The following MAG variants were observed in gnomAD, a reference collection of about 807,000 sequenced individuals.
The protein encoded by MAG is myelin-associated glycoprotein.
Under a neutral mutation model 60.7 loss-of-function variants are expected in MAG, and 30 were observed. The observed-to-expected ratio is 0.49, with a 90% CI of 0.37 to 0.67. The LOEUF is 0.67. Ranked by LOEUF, MAG falls within the 30% of genes least tolerant of loss-of-function variation. The pLI is 0.00. For synonymous variants in MAG, 384 were observed against 376.8 expected, an observed-to-expected ratio of 1.02 and a Z score of -0.22; for missense variants, 795 against 851.7, an observed-to-expected ratio of 0.93 and a Z score of 0.83.
At chr19:35,298,708 C>T (rs927573740) in intron 4 of MAG, among the ~76,000 whole-genome samples, 12 of 144,340 alleles carry the variant, frequency 8.3e-5, no homozygotes, top group Admixed American at 4.8e-4. Context: ...TACACTCACA[C>T]CACACAAACC....
intron 4 of MAG, among the ~76,000 whole-genome samples, chr19:35,296,943 AACCACAC>A: frequency 6.7e-6 from 1 of 148,446 alleles, no homozygotes. Flanking sequence ...ACACTACACA[AACCACAC>A]ACCACACACT....
chr19:35,304,697 T>C (rs1240248803), intron 7 of MAG, among the ~76,000 whole-genome samples: 1 of 152,018 alleles, frequency 6.6e-6, no homozygotes, highest in Non-Finnish European at 1.5e-5. Context: ...TGCGTCACCA[T>C]GCCCAGCTAA....
At chr19:35,302,761 C>G in intron 7 of MAG, 53 bp downstream of exon 7, 1 of 1,592,216 alleles carries the variant, frequency 6.3e-7, no homozygotes, top group Non-Finnish European at 8.5e-7. Context: ...GTGGGGGACA[C>G]CAGGGTTACT....
intron 9 of MAG, among the ~76,000 whole-genome samples, chr19:35,311,490 C>T (rs1241161597): frequency 6.6e-6 from 1 of 152,120 alleles, no homozygotes; most frequent in Non-Finnish European, 1.5e-5. Flanking sequence ...GACAGACAGA[C>T]AGACAGAAAG....
At chr19:35,300,461 AAGGGGCCTCATCC>A in intron 6 of MAG, 57 bp downstream of exon 6, 2 of 1,508,162 alleles carry the variant, frequency 1.3e-6, no homozygotes, top group Non-Finnish European at 1.8e-6. Context: ...GATAAAGGGA[AAGGGGCCTCATCC>A]AGGGCGAGCA....
rs1447611061 is a variant in MAG at position 35,310,534 on chromosome 19, T to C, written c.1520-13T>C. 3 of 1,613,822 alleles carry C rather than the reference T, an allele frequency of 1.9e-6. No individual in the cohort carries two copies. The South Asian group carries it at 3.3e-5, about 18-fold the overall frequency. ...CATAGCCCTAAGGGCGCCTGGGTCTTTTCTGTCCTCAGATCGACTGATGTG... is the reference window on the plus strand; with the variant it reads ...CATAGCCCTAAGGGCGCCTGGGTCTCTTCTGTCCTCAGATCGACTGATGTG... On this transcript the variant is annotated splice_polypyrimidine_tract_variant and intron_variant, in intron 8 of 10. Transcript: ENST00000392213.
Position 35,299,791 on chromosome 19 carries a change from A to G in MAG, c.653A>G (p.Gln218Arg), listed in dbSNP as rs1460786365. 6.5e-7 allele frequency: 1 copy of G among 1,542,302 alleles called. No individual in the cohort carries two copies. The highest frequency in any genetic ancestry group is 8.7e-7 in the Non-Finnish European group (1 of 1,148,782). ...REANGHRLGC[Q>R]ASFPNTTLQF... The stretch of plus-strand genomic sequence containing the variant: ...GCCAACGGCCACAGGCTGGGCTGCC[A>G]GGCCTCCTTCCCCAACACCACCCTG... Residue 218 changes from glutamine to arginine, a missense_variant, in exon 5 of 11, where the codon CAG (glutamine) becomes CGG (arginine). Physicochemically the swap from Gln to Arg is conservative, Grantham distance 43 (BLOSUM62 1). Transcript: ENST00000392213.
rs769035046 is a variant in MAG, at chr19:35,293,189, G to A, written c.-80+985G>A. Among the ~76,000 whole-genome samples, 16 of 152,206 alleles carry A rather than the reference G, an allele frequency of 1.1e-4. No individual in the cohort carries two copies. Among genetic ancestry groups the A allele is most frequent in the Admixed American group, 8.5e-4 (13 of 15,294 alleles). The stretch of plus-strand genomic sequence containing the variant: ...CAGCGTCGGCCAGGTGTCCATCGGC[G>A]CGTGTCTGAGTGGACGCGTCTATAG... On this transcript the variant is annotated intron_variant, in intron 1 of 10. Transcript: ENST00000392213. This position sits in a 1 kb window ranked among gnomAD's most constrained non-coding sequence, Gnocchi z 4.0.
intron 4 of MAG, among the ~76,000 whole-genome samples, chr19:35,298,614 C>T (rs2066421141): frequency 6.6e-6 from 1 of 151,698 alleles, no homozygotes; most frequent in Admixed American, 6.6e-5. Context: ...GCACTACCCA[C>T]ACACCACACA....
In MAG at chr19:35,313,574, G is replaced by A. The variant is rs966855357; in HGVS notation, c.*120G>A. On this transcript the variant is annotated 3_prime_UTR_variant, in exon 11 of 11. Transcript: ENST00000392213. ...CTGGGGCAGGAGGGGAGTGAGGCAGGTGACAGTGAGGTCCTGGGGGCCTGA... is the reference window on the plus strand; with the variant it reads ...CTGGGGCAGGAGGGGAGTGAGGCAGATGACAGTGAGGTCCTGGGGGCCTGA... 5.7e-6 allele frequency: 6 copies of A among 1,049,390 alleles called. No homozygotes were observed. The African/African-American group carries it at 6.5e-5, about 11-fold the overall frequency. The allele number at this position is 1,049,390 out of a possible 1,614,324, so 65.0% of individuals were successfully genotyped here.
intron 6 of MAG, 151 bp downstream of exon 6, chr19:35,300,555 G>A: frequency 4.1e-6 from 4 of 980,842 alleles, no homozygotes; most frequent in Non-Finnish European, 5.7e-6. Context: ...GCAAGTCAAG[G>A]TGTACCTTCA....
At chr19:35,310,183 T>G (rs1599659034) in intron 8 of MAG, 22 bp downstream of exon 8, 1 of 1,590,408 alleles carries the variant, frequency 6.3e-7, no homozygotes, top group Non-Finnish European at 8.6e-7. Flanking sequence ...GGACTTGGGG[T>G]GGGAGCCACA....
At position 35,295,257 on chromosome 19, in the gene MAG, G is replaced by A; in HGVS notation, c.-23-129G>A. The A allele has an allele frequency of 1.3e-6, 1 of 793,434 alleles. No homozygotes were observed. Among genetic ancestry groups the A allele is most frequent in the South Asian group, 1.7e-5 (1 of 57,774 alleles). 49.1% of individuals were successfully genotyped at this position (793,434 alleles called of 1,614,324 possible). A position where few individuals can be genotyped will look rare whatever the true frequency, so the allele number is the denominator to read the frequency against. On this transcript the variant is annotated intron_variant, in intron 2 of 10. Coordinates refer to ENST00000392213, the MANE Select transcript of MAG (RefSeq NM_002361.4). This position sits in a 1 kb window ranked among gnomAD's most constrained non-coding sequence, Gnocchi z 5.8. The stretch of plus-strand genomic sequence containing the variant: ...ACAAGACCCTGTCTCAGAAAAATAA[G>A]TAAATAAATGCATAAATAAATAATA...
chr19:35,300,282 C>T lies in MAG; in HGVS notation c.848C>T (p.Ala283Val), dbSNP rs1435734218. ...WMRDGTVLRE[A>V]VAESLLLELE... is the part of the protein sequence containing the mutation. Reference sequence around the variant, plus strand: ...CGGGACGGGACAGTCCTCCGGGAGGCGGTGGCCGAGAGCCTGCTCCTGGAG... The same window carrying T: ...CGGGACGGGACAGTCCTCCGGGAGGTGGTGGCCGAGAGCCTGCTCCTGGAG... Residue 283 changes from alanine to valine, a missense_variant, in exon 6 of 11, where the codon GCG becomes GTG. Ala to Val is a moderately conservative substitution (Grantham distance 64). Coordinates refer to ENST00000392213, the MANE Select transcript of MAG (RefSeq NM_002361.4). The T allele has an allele frequency of 2.5e-6, 4 of 1,598,876 alleles. No individual in the cohort carries two copies. Among genetic ancestry groups the T allele is most frequent in the South Asian group, 1.1e-5 (1 of 90,732 alleles).
intron 7 of MAG, among the ~76,000 whole-genome samples, chr19:35,303,981 CCACAATGGCCCCCA>C (rs1171404952): frequency 3.9e-5 from 6 of 152,292 alleles, no homozygotes; most frequent in Non-Finnish European, 7.3e-5. Flanking sequence ...TTCACGATGC[CCACAATGGCCCCCA>C]CCACACAAGT....
chr19:35,295,356 A>G lies in MAG; in HGVS notation c.-23-30A>G, dbSNP rs1244365821. On this transcript the variant is annotated intron_variant, in intron 2 of 10. Coordinates refer to ENST00000392213, the MANE Select transcript of MAG (RefSeq NM_002361.4). This position sits in a 1 kb window ranked among gnomAD's most constrained non-coding sequence, Gnocchi z 5.8. ...TGGAACACCCCCTTTCACTTCCCCC[A>G]GCCTTTAACCCTCTCCTCTCCCTTT... The G allele has an allele frequency of 6.2e-6, 10 of 1,602,958 alleles. No homozygotes were observed. Among genetic ancestry groups the G allele is most frequent in the Non-Finnish European group, 8.5e-6 (10 of 1,172,634 alleles).
intron 7 of MAG, among the ~76,000 whole-genome samples, chr19:35,306,425 C>T (rs1245120423): frequency 1.3e-5 from 2 of 151,888 alleles, no homozygotes; most frequent in African/African-American, 2.4e-5. Context: ...TGGGATGTTA[C>T]GTATTTTTAA....
rs199740655 is a variant in MAG, at chr19:35,310,520, G to A, written c.1520-27G>A. On this transcript the variant is annotated intron_variant, in intron 8 of 10. Coordinates refer to ENST00000392213, the MANE Select transcript of MAG (RefSeq NM_002361.4). ...TCGTCACCACCACCCATAGCCCTAAGGGCGCCTGGGTCTTTTCTGTCCTCA... is the reference window on the plus strand; with the variant it reads ...TCGTCACCACCACCCATAGCCCTAAAGGCGCCTGGGTCTTTTCTGTCCTCA... The A allele has an allele frequency of 4.0e-4, 640 of 1,601,752 alleles. 1 individual carries two copies. In the African/African-American group the frequency reaches 7.7e-3, roughly 19 times the overall value.
intron 10 of MAG, chr19:35,312,554 G>GC: frequency 2.9e-6 from 1 of 341,688 alleles, no homozygotes; most frequent in Non-Finnish European, 5.8e-6. Flanking sequence ...GGAGGGGTGG[G>GC]AAGCGTGGGG....
Sources: gnomAD v4.1 joint callset for allele counts (sites outside exome capture counted in the v4.1 genomes callset) on GRCh38, gnomAD v4.1.1 for gene constraint, Gnocchi (gnomAD v3.1) non-coding constraint, MANE v1.5 for transcripts, NCBI Gene and HGNC (gene_info 2026-07-23, HGNC 2026-07-21) for gene names.